The following AOPEP variants were observed in gnomAD, a reference collection of about 807,000 sequenced individuals.
AOPEP encodes the protein aminopeptidase O.
Under a neutral mutation model 98.1 loss-of-function variants are expected in AOPEP, and 77 were observed. The ratio of observed to expected loss-of-function variants is 0.78; its 90% confidence interval spans 0.65 to 0.95. AOPEP has a LOEUF of 0.95. Among genes scored for constraint, AOPEP ranks in the 40% least tolerant of loss-of-function variants. AOPEP has a pLI of 0.00. For synonymous variants in AOPEP, 346 were observed against 365.3 expected, an observed-to-expected ratio of 0.95 and a Z score of 0.60; for missense variants, 1,024 against 1,024.7, an observed-to-expected ratio of 1.00 and a Z score of 0.01.
At chr9:94,821,963 G>A (rs1050950269) in intron 5 of AOPEP, among the ~76,000 whole-genome samples, 1 of 133,230 alleles carries the variant, frequency 7.5e-6, no homozygotes, top group African/African-American at 2.9e-5. Flanking sequence ...TGCACCCTGT[G>A]TGTGTAAACA....
chr9:95,146,487 CAAAA>C, the AOPEP span, among the ~76,000 whole-genome samples: 10 of 45,554 alleles, frequency 2.2e-4, no homozygotes, highest in Admixed American at 1.6e-3. Flanking sequence ...GACCCCATCT[CAAAA>C]AAAAAAAAAA....
In AOPEP at chr9:95,080,738, G is replaced by T. The variant is rs183828333; in HGVS notation, c.2277G>T (p.Thr759=). The T allele has an allele frequency of 6.2e-7, 1 of 1,614,042 alleles. No homozygotes were observed. The highest frequency in any genetic ancestry group is 1.1e-5 in the South Asian group (1 of 91,074). ...AACTCATTGTTAAGCACAAGTTCACGAAAGCCTACAAAAGTGTGGAGAGGT... is the reference window on the plus strand; with the variant it reads ...AACTCATTGTTAAGCACAAGTTCACTAAAGCCTACAAAAGTGTGGAGAGGT... ...WCELIVKHKF[T]KAYKSVERFL... The change falls in exon 15 of 17, where the codon ACG becomes ACT. Residue 759 remains threonine (T), a synonymous_variant. Coordinates refer to ENST00000375315, the MANE Select transcript of AOPEP (RefSeq NM_001193329.3).
chr9:95,083,494 A>G (rs1302187245), intron 16 of AOPEP, among the ~76,000 whole-genome samples: 2 of 146,752 alleles, frequency 1.4e-5, no homozygotes, highest in Non-Finnish European at 3.0e-5. Flanking sequence ...CAGCACACAC[A>G]CCACACAGAG....
At chr9:94,810,612 G>A (rs2133962381) in intron 5 of AOPEP, among the ~76,000 whole-genome samples, 1 of 149,564 alleles carries the variant, frequency 6.7e-6, no homozygotes, top group African/African-American at 2.5e-5. Context: ...ACTGCGCCTG[G>A]CCTTTAATCA....
chr9:94,924,001 C>T lies in AOPEP; in HGVS notation c.1380C>T (p.Phe460=). The change falls in exon 6 of 17, where the codon TTC becomes TTT. Residue 460 remains phenylalanine (F), a synonymous_variant. Transcript: ENST00000375315. The stretch of plus-strand genomic sequence containing the variant: ...TTATCCACAGCCCACACATCATGTT[C>T]CTCTCTCAGAGCATCTTGACAGGAG... ...SLGMASPHIM[F]LSQSILTGGN... The T allele has an allele frequency of 2.7e-6, 4 of 1,466,574 alleles. No individual in the cohort carries two copies. The highest frequency in any genetic ancestry group is 2.7e-6 in the Non-Finnish European group (3 of 1,102,762). The allele number at this position is 1,466,574 out of a possible 1,614,324, so 90.8% of individuals were successfully genotyped here.
chr9:94,983,259 A>G (rs1188049864), intron 11 of AOPEP, among the ~76,000 whole-genome samples: 1 of 152,072 alleles, frequency 6.6e-6, no homozygotes, highest in Non-Finnish European at 1.5e-5. Context: ...TCCTGACCTC[A>G]TGATCCGCCT....
chr9:94,771,399 A>G (rs1308378635), intron 2 of AOPEP, among the ~76,000 whole-genome samples: 3 of 152,204 alleles, frequency 2.0e-5, no homozygotes, highest in African/African-American at 7.2e-5. Context: ...CCCAGGTGGT[A>G]CAAAGGTGTT....
intron 5 of AOPEP, among the ~76,000 whole-genome samples, chr9:94,836,125 T>C (rs970725928): frequency 2.0e-5 from 3 of 152,134 alleles, no homozygotes; most frequent in Admixed American, 2.0e-4. Flanking sequence ...TACAAGCACA[T>C]GCACCTTTTC....
intron 11 of AOPEP, among the ~76,000 whole-genome samples, chr9:95,000,829 T>G (rs554490670): frequency 1.3e-5 from 2 of 152,314 alleles, no homozygotes; most frequent in South Asian, 4.1e-4. Context: ...CGTGTGTAGA[T>G]TCCTACTTTT....
intron 13 of AOPEP, among the ~76,000 whole-genome samples, chr9:95,054,233 A>G (rs536344945): frequency 6.6e-6 from 1 of 152,302 alleles, no homozygotes; most frequent in South Asian, 2.1e-4. Flanking sequence ...TGAGAAGCAT[A>G]GATCAGGAAT....
chr9:95,030,648 G>T (rs562990738), intron 13 of AOPEP, among the ~76,000 whole-genome samples: 2 of 152,324 alleles, frequency 1.3e-5, no homozygotes, highest in East Asian at 3.9e-4. Flanking sequence ...GTAAAAACTG[G>T]CAGCAGCCAT....
the AOPEP span, chr9:95,111,336 CAT>C: frequency 1.3e-6 from 2 of 1,597,878 alleles, no homozygotes; most frequent in Non-Finnish European, 1.7e-6. Context: ...GTTGCCATGA[CAT>C]ATGCCATCTG....
intron 14 of AOPEP, among the ~76,000 whole-genome samples, chr9:95,071,273 A>G (rs2068473992): frequency 6.8e-6 from 1 of 147,884 alleles, no homozygotes; most frequent in African/African-American, 2.5e-5. Context: ...TTGAGTGCTG[A>G]CATGACCCTC....
intron 13 of AOPEP, among the ~76,000 whole-genome samples, chr9:95,060,053 A>G (rs2067194946): frequency 6.6e-6 from 1 of 152,130 alleles, no homozygotes; most frequent in African/African-American, 2.4e-5. Flanking sequence ...TTGTAACACC[A>G]CTTTTGACCA....
the AOPEP span, chr9:95,111,534 TG>T: frequency 6.2e-7 from 1 of 1,614,054 alleles, no homozygotes; most frequent in Non-Finnish European, 8.5e-7. Flanking sequence ...AGCAGGGCCG[TG>T]GGGGGTTCGG....
At chr9:95,031,507 C>T (rs966488831) in intron 13 of AOPEP, among the ~76,000 whole-genome samples, 4 of 152,226 alleles carry the variant, frequency 2.6e-5, no homozygotes, top group East Asian at 1.9e-4. Context: ...AACTGATACC[C>T]GATTTAAACA....
intron 14 of AOPEP, among the ~76,000 whole-genome samples, chr9:95,077,906 G>A (rs529001658): frequency 1.7e-4 from 26 of 152,282 alleles, no homozygotes; most frequent in African/African-American, 5.8e-4. Flanking sequence ...TGAAGACTGC[G>A]CGTGAGCAGG....
chr9:95,013,330 T>G (rs2062714516), intron 13 of AOPEP, among the ~76,000 whole-genome samples: 1 of 152,054 alleles, frequency 6.6e-6, no homozygotes, highest in Non-Finnish European at 1.5e-5. Flanking sequence ...ATTCCCGCTG[T>G]GAGTGATAAA....
At chr9:95,046,324 A>G (rs1238006506) in intron 13 of AOPEP, among the ~76,000 whole-genome samples, 1 of 152,234 alleles carries the variant, frequency 6.6e-6, no homozygotes, top group Admixed American at 6.5e-5. Flanking sequence ...TTAAAAGTAC[A>G]TGCTAAAATG....
Sources: allele counts gnomAD v4.1 joint callset (sites outside exome capture counted in the v4.1 genomes callset), GRCh38; gene constraint gnomAD v4.1.1; transcripts MANE v1.5; gene names NCBI Gene and HGNC (gene_info 2026-07-23, HGNC 2026-07-21).